Variants in CCDC102B observed in about 807,000 individuals in gnomAD.
CCDC102B encodes the protein coiled-coil domain containing 102B, also known as coiled-coil domain-containing protein 102B.
CCDC102B carries 75 observed loss-of-function variants against 57.4 expected under a neutral mutation model. That is an observed-to-expected ratio of 1.31 (90% confidence interval 1.08 to 1.58). The LOEUF (loss-of-function observed/expected upper bound fraction) is 1.58. Among genes scored for constraint, CCDC102B ranks in the 40% most tolerant of loss-of-function variants. The pLI is 0.00. For synonymous variants in CCDC102B, 206 were observed against 201.9 expected, an observed-to-expected ratio of 1.02 and a Z score of -0.17; for missense variants, 636 against 582.6, an observed-to-expected ratio of 1.09 and a Z score of -0.94.
At chr18:68,820,514 T>C (rs988166366) in intron 1 of CCDC102B, among the ~76,000 whole-genome samples, 2 of 152,142 alleles carry the variant, frequency 1.3e-5, no homozygotes, top group African/African-American at 4.8e-5. Context: ...GGTAAGGTCT[T>C]GTTATCAGGG....
intron 2 of CCDC102B, among the ~76,000 whole-genome samples, chr18:68,765,735 A>G (rs1294525331): frequency 6.6e-6 from 1 of 152,200 alleles, no homozygotes; most frequent in Non-Finnish European, 1.5e-5. Flanking sequence ...GGTTATTAGC[A>G]TGGCTTCTCA....
chr18:69,036,297 A>G (rs2052289836), intron 7 of CCDC102B, among the ~76,000 whole-genome samples: 1 of 152,216 alleles, frequency 6.6e-6, no homozygotes, highest in East Asian at 1.9e-4. Context: ...GACTTAGAAT[A>G]TAGCCGAATC....
In CCDC102B at chr18:68,916,284, A is replaced by G. The variant is rs138395553; in HGVS notation, c.1263+18856A>G. 2.0e-5 allele frequency among the ~76,000 whole-genome samples: 3 copies of G among 152,226 alleles called. No individual in the cohort carries two copies. In the East Asian group the frequency reaches 5.8e-4, roughly 29 times the overall value. On this transcript the variant is annotated intron_variant, in intron 6 of 7. Transcript: ENST00000360242. ...CTGACCTAACACCCAGTAGACTACC[A>G]CAGCATGTGCCAAACTAAAGAATGG... is the stretch of plus-strand genomic sequence containing the variant.
chr18:68,862,852 C>G (rs2038820899), intron 4 of CCDC102B, among the ~76,000 whole-genome samples: 1 of 151,854 alleles, frequency 6.6e-6, no homozygotes, highest in African/African-American at 2.4e-5. Context: ...TAATGAACCC[C>G]AACGTTTCCA....
chr18:69,044,322 T>A (rs1035719353), intron 7 of CCDC102B, among the ~76,000 whole-genome samples: 6 of 152,160 alleles, frequency 3.9e-5, no homozygotes, highest in African/African-American at 1.4e-4. Context: ...CCACAGTAAC[T>A]TTGGTTCTTA....
At chr18:68,922,827 AGC>A (rs2041332561) in intron 6 of CCDC102B, among the ~76,000 whole-genome samples, 1 of 81,484 alleles carries the variant, frequency 1.2e-5, no homozygotes, top group Non-Finnish European at 3.6e-5. Context: ...ATATTTATTG[AGC>A]ACCTATTATA....
chr18:68,865,641 G>A lies in CCDC102B; in HGVS notation c.937-9028G>A, dbSNP rs78776481. On this transcript the variant is annotated intron_variant, in intron 4 of 7. Coordinates refer to ENST00000360242, the MANE Select transcript of CCDC102B (RefSeq NM_024781.3). ...CGCTTTTCAAATGAAGGGCATACTC[G>A]TCTCTTTTTCTCAGTATTATTTTGA... Among the ~76,000 whole-genome samples, 153 of 152,160 alleles carry A rather than the reference G, an allele frequency of 1.0e-3. 3 individuals are homozygous for A. The East Asian group carries it at 0.026, about 26-fold the overall frequency.
chr18:68,751,111 A>G (rs903549582), intron 2 of CCDC102B, among the ~76,000 whole-genome samples: 15 of 152,144 alleles, frequency 9.9e-5, no homozygotes, highest in Admixed American at 3.9e-4. Flanking sequence ...AGAGAAAGAT[A>G]TAGAGAAGAT....
chr18:69,012,084 T>G (rs886328873), intron 7 of CCDC102B, among the ~76,000 whole-genome samples: 2 of 152,164 alleles, frequency 1.3e-5, no homozygotes, highest in Non-Finnish European at 2.9e-5. Flanking sequence ...GTTTCATCCT[T>G]GCTATGTCTC....
At chr18:69,008,065 TCAAC>T (rs1340866041) in intron 6 of CCDC102B, among the ~76,000 whole-genome samples, 1 of 152,238 alleles carries the variant, frequency 6.6e-6, no homozygotes, top group African/African-American at 2.4e-5. Context: ...GAGAAAGCCA[TCAAC>T]TTGCAAAGTT....
intron 1 of CCDC102B, among the ~76,000 whole-genome samples, chr18:68,716,211 A>G (rs2031974637): frequency 6.6e-6 from 1 of 151,970 alleles, no homozygotes; most frequent in Non-Finnish European, 1.5e-5. Context: ...ACAGCTTTAT[A>G]ATAGTACCAT....
At chr18:68,755,764 C>T (rs939397948) in intron 2 of CCDC102B, among the ~76,000 whole-genome samples, 6 of 151,428 alleles carry the variant, frequency 4.0e-5, no homozygotes, top group Admixed American at 6.6e-5. Context: ...AAAATTTGAA[C>T]TCAATATTTG....
chr18:68,758,447 G>A (rs1219592854), intron 2 of CCDC102B, among the ~76,000 whole-genome samples: 1 of 151,958 alleles, frequency 6.6e-6, no homozygotes, highest in Non-Finnish European at 1.5e-5. Flanking sequence ...ATAATAGATT[G>A]TTTAAGACAA....
chr18:68,839,123 C>T, intron 3 of CCDC102B, 197 bp downstream of exon 3: 1 of 584,216 alleles, frequency 1.7e-6, no homozygotes, highest in South Asian at 2.1e-5. Flanking sequence ...TAGTGTTTTC[C>T]ATTCTTTTAA....
chr18:68,911,698 GCCGAGATCGCGCCA>G (rs1260631482), intron 6 of CCDC102B, among the ~76,000 whole-genome samples: 1 of 126,134 alleles, frequency 7.9e-6, no homozygotes, highest in Non-Finnish European at 1.6e-5. Flanking sequence ...CTTGCAGTGA[GCCGAGATCGCGCCA>G]CTGCACTCCA....
At chr18:68,880,187 G>A (rs1036991040) in intron 5 of CCDC102B, among the ~76,000 whole-genome samples, 1 of 152,314 alleles carries the variant, frequency 6.6e-6, no homozygotes, top group South Asian at 2.1e-4. Flanking sequence ...CAGCGCCGGT[G>A]GGCTGGCACT....
chr18:69,000,616 G>T (rs574825123), intron 6 of CCDC102B, among the ~76,000 whole-genome samples: 10 of 152,140 alleles, frequency 6.6e-5, no homozygotes, highest in South Asian at 6.2e-4. Context: ...CTTCTCATTT[G>T]TCCTCTCATT....
At chr18:68,827,845 A>G (rs2036967248) in intron 1 of CCDC102B, among the ~76,000 whole-genome samples, 3 of 152,000 alleles carry the variant, frequency 2.0e-5, no homozygotes, top group Admixed American at 2.0e-4. Context: ...ATAATGGAAA[A>G]TAAAAGGATG....
In CCDC102B at chr18:68,998,385, C is replaced by T. The variant is rs1211503593; in HGVS notation, c.1264-12549C>T. Among the ~76,000 whole-genome samples the T allele has an allele frequency of 5.6e-5, 8 of 142,636 alleles. No individual in the cohort carries two copies. In the South Asian group the frequency reaches 6.5e-4, roughly 12 times the overall value. 93.6% of individuals were successfully genotyped at this position (142,636 alleles called of 152,430 possible). ...TACATCTACATATGTATACATACAT[C>T]TACATACACATACATCTACTACATA... On this transcript the variant is annotated intron_variant, in intron 6 of 7. Transcript: ENST00000360242.
Sources: allele counts gnomAD v4.1 joint callset (sites outside exome capture counted in the v4.1 genomes callset), GRCh38; gene constraint gnomAD v4.1.1; transcripts MANE v1.5; gene names NCBI Gene and HGNC (gene_info 2026-07-23, HGNC 2026-07-21).